Variants in NBAS observed in about 807,000 individuals in gnomAD.
NBAS encodes NBAS subunit of NRZ tethering complex.
Under a neutral mutation model 302.5 loss-of-function variants are expected in NBAS, and 219 were observed. The ratio of observed to expected loss-of-function variants is 0.72; its 90% CI spans 0.65 to 0.81. The LOEUF is 0.81. NBAS is among the 30% of genes least tolerant of loss of function. The probability of loss-of-function intolerance (pLI) is 0.00; values close to 1 mark genes in which losing one functional copy is unlikely to be tolerated. For missense variants in NBAS, 2,932 were observed against 2,841.6 expected, an observed-to-expected ratio of 1.03 and a Z score of -0.72; for synonymous variants, 1,118 against 1,021.6, an observed-to-expected ratio of 1.09 and a Z score of -1.80.
chr2:15,167,167 G>C lies in NBAS; in HGVS notation c.6997C>G (p.His2333Asp). The change falls in exon 52 of 52, where the codon CAC (histidine) becomes GAC (aspartate). Residue 2333 changes from histidine (H) to aspartate (D), a missense_variant. By Grantham distance (81) the His-to-Asp change is moderately conservative. Coordinates refer to ENST00000281513, the MANE Select transcript of NBAS (RefSeq NM_015909.4). ...GCTTCATGGCCGGCCTCCCGCAGGT[G>C]TCTGCCCAGCTCCTCTGCATCCCAG... Reference protein sequence around the residue: ...GRWDAEELGRHLREAGHEAEA... With the variant: ...GRWDAEELGRDLREAGHEAEA... 3 of 1,614,266 alleles carry C rather than the reference G, an allele frequency of 1.9e-6. No individual in the cohort carries two copies. Among genetic ancestry groups the C allele is most frequent in the Middle Eastern group, 1.6e-4 (1 of 6,062 alleles).
chr2:15,389,264 T>C (rs186898761), intron 28 of NBAS, among the ~76,000 whole-genome samples: 5 of 152,350 alleles, frequency 3.3e-5, no homozygotes, highest in Non-Finnish European at 5.9e-5. Context: ...ATACAACCAG[T>C]ATTGGCTCCC....
intron 44 of NBAS, among the ~76,000 whole-genome samples, chr2:15,238,961 C>T (rs934608187): frequency 9.2e-5 from 14 of 152,030 alleles, no homozygotes; most frequent in Admixed American, 2.6e-4. Context: ...AGTTACAGTG[C>T]AAAAATGAGG....
chr2:14,812,708 C>G, the NBAS span, among the ~76,000 whole-genome samples: 2 of 152,114 alleles, frequency 1.3e-5, no homozygotes, highest in African/African-American at 2.4e-5. Flanking sequence ...AAATAAATGA[C>G]AAGTTATTTG....
chr2:14,942,870 C>T, the NBAS span, among the ~76,000 whole-genome samples: 1 of 152,132 alleles, frequency 6.6e-6, no homozygotes, highest in Non-Finnish European at 1.5e-5. Context: ...GAAGTGTAGT[C>T]CTTTTCTTTG....
intron 9 of NBAS, among the ~76,000 whole-genome samples, chr2:15,518,514 C>A (rs115944056): frequency 1.1e-3 from 174 of 151,948 alleles, no homozygotes; most frequent in African/African-American, 4.1e-3. Flanking sequence ...TTCAAATTAT[C>A]CTATGAAGAT....
the NBAS span, among the ~76,000 whole-genome samples, chr2:14,912,195 G>A: frequency 2.6e-5 from 4 of 152,190 alleles, no homozygotes; most frequent in South Asian, 4.2e-4. Flanking sequence ...TTACAGGATC[G>A]CCGTTGTATA....
chr2:15,075,457 C>A, the NBAS span, among the ~76,000 whole-genome samples: 1 of 152,202 alleles, frequency 6.6e-6, no homozygotes, highest in Non-Finnish European at 1.5e-5. Flanking sequence ...TCCCTCACTG[C>A]AAGGCTGTCT....
chr2:15,291,703 C>A lies in NBAS; in HGVS notation c.5027+834G>T, dbSNP rs192064673. ...TTTCTGGTTCTCTAGAAGACCAGGA[C>A]AGATAAAGTCACCCTGAACAACAAG... On this transcript the variant is annotated intron_variant, in intron 41 of 51. Coordinates refer to ENST00000281513, the MANE Select transcript of NBAS (RefSeq NM_015909.4). Among the ~76,000 whole-genome samples, 19 of 152,258 alleles carry A rather than the reference C, an allele frequency of 1.2e-4. No individual in the cohort carries two copies. In the South Asian group the frequency reaches 1.5e-3, roughly 12 times the overall value.
intron 11 of NBAS, among the ~76,000 whole-genome samples, chr2:15,494,604 T>C (rs1680997027): frequency 6.6e-6 from 1 of 152,174 alleles, no homozygotes; most frequent in Non-Finnish European, 1.5e-5. Context: ...AACTAGTACT[T>C]TACCTAGTCT....
chr2:15,208,830 T>A (rs1666270477), intron 48 of NBAS, among the ~76,000 whole-genome samples: 3 of 152,172 alleles, frequency 2.0e-5, no homozygotes, highest in African/African-American at 7.2e-5. Flanking sequence ...TAGCTATAAG[T>A]GGCTACATCA....
At chr2:15,299,370 A>G (rs943668348) in intron 40 of NBAS, among the ~76,000 whole-genome samples, 2 of 152,238 alleles carry the variant, frequency 1.3e-5, no homozygotes, top group African/African-American at 2.4e-5. Flanking sequence ...ATAAATATTC[A>G]TGACAACAAA....
chr2:15,348,102 C>T (rs367573844), intron 35 of NBAS, among the ~76,000 whole-genome samples: 29 of 152,290 alleles, frequency 1.9e-4, no homozygotes, highest in African/African-American at 6.0e-4. Context: ...GTGTAACACA[C>T]GGCATCTTAT....
the NBAS span, among the ~76,000 whole-genome samples, chr2:15,024,722 T>A: frequency 2.0e-5 from 3 of 152,218 alleles, no homozygotes; most frequent in Non-Finnish European, 4.4e-5. Flanking sequence ...TGATTAGTGA[T>A]ATTGAGCATT....
At position 15,287,231 on chromosome 2, in the gene NBAS, T is replaced by C. The variant is rs376141182; in HGVS notation, c.5028-48A>G. On this transcript the variant is annotated intron_variant, in intron 41 of 51. Transcript: ENST00000281513. ...CAGGAAGGGAGAGAGGAGAAACACA[T>C]GACTTCAATCAGCAACGAAAATGCT... The C allele has an allele frequency of 3.4e-6, 5 of 1,481,622 alleles. 1 individual carries two copies. Among genetic ancestry groups the C allele is most frequent in the Non-Finnish European group, 4.7e-6 (5 of 1,060,420 alleles). The allele number at this position is 1,481,622 out of a possible 1,614,324, so 91.8% of individuals were successfully genotyped here. A position where few individuals can be genotyped will look rare whatever the true frequency, so the allele number is the denominator to read the frequency against.
the NBAS span, among the ~76,000 whole-genome samples, chr2:14,973,820 T>C: frequency 6.6e-6 from 1 of 152,234 alleles, no homozygotes; most frequent in Non-Finnish European, 1.5e-5. Context: ...ATTATATGCA[T>C]TTAGCAGAAT....
At chr2:15,425,879 C>A (rs748451735) in intron 22 of NBAS, among the ~76,000 whole-genome samples, 11 of 152,156 alleles carry the variant, frequency 7.2e-5, no homozygotes, top group Non-Finnish European at 1.5e-4. Context: ...ATGCCCTTTG[C>A]CCCTCGTCAG....
In NBAS at chr2:15,397,723, A is replaced by G. The variant is rs550420396; in HGVS notation, c.3072-1248T>C. The G allele has an allele frequency of 8.0e-6, 3 of 373,732 alleles. No homozygotes were observed. The East Asian group carries it at 2.3e-4, about 28-fold the overall frequency. The allele number at this position is 373,732 out of a possible 1,614,324, so 23.2% of individuals were successfully genotyped here. ...ATTGGGCACAGTTCATGCAGTGAACAGGCTGCATGTGGCTGTGGCCCTTTT... is the reference window on the plus strand; with the variant it reads ...ATTGGGCACAGTTCATGCAGTGAACGGGCTGCATGTGGCTGTGGCCCTTTT... On this transcript the variant is annotated intron_variant, in intron 26 of 51. Transcript: ENST00000281513.
At chr2:14,912,701 TTTAAAAAAAAAAAAA>T in the NBAS span, among the ~76,000 whole-genome samples, 71 of 73,668 alleles carry the variant, frequency 9.6e-4, no homozygotes, top group South Asian at 2.3e-3. Context: ...TGCATTCATT[TTTAAAAAAAAAAAAA>T]AAAAAAAAAA....
the NBAS span, among the ~76,000 whole-genome samples, chr2:14,867,246 T>C: frequency 3.9e-5 from 6 of 152,304 alleles, no homozygotes; most frequent in African/African-American, 1.2e-4. Context: ...AGCAGTTTTC[T>C]AAATAGAAAG....
Sources: gnomAD v4.1 joint callset for allele counts (sites outside exome capture counted in the v4.1 genomes callset) on GRCh38, gnomAD v4.1.1 for gene constraint, MANE v1.5 for transcripts, NCBI Gene and HGNC (gene_info 2026-07-23, HGNC 2026-07-21) for gene names.